ARB2A: variants seen among roughly 807,000 people sequenced by gnomAD.
ARB2A encodes ARB2 cotranscriptional regulator A.
the ARB2A span, among the ~76,000 whole-genome samples, chr5:93,823,743 T>A: frequency 7.9e-5 from 12 of 152,008 alleles, no homozygotes; most frequent in Non-Finnish European, 1.6e-4. Context: ...GATGACGAGG[T>A]CAGGAGATTG....
the ARB2A span, chr5:93,738,118 C>A: frequency 4.7e-6 from 1 of 211,080 alleles, no homozygotes; most frequent in Non-Finnish European, 9.8e-6. Context: ...GACAAACAAC[C>A]CAGTTTTAAA....
chr5:93,779,810 T>C, the ARB2A span, among the ~76,000 whole-genome samples: 1 of 152,216 alleles, frequency 6.6e-6, no homozygotes, highest in African/African-American at 2.4e-5. Flanking sequence ...ATGATGATCC[T>C]ATAGATTTTT....
the ARB2A span, among the ~76,000 whole-genome samples, chr5:94,106,545 A>G: frequency 6.6e-6 from 1 of 152,132 alleles, no homozygotes; most frequent in South Asian, 2.1e-4. Context: ...AATTTCAGCC[A>G]CTGTGGAAAG....
chr5:94,003,701 A>G, the ARB2A span, among the ~76,000 whole-genome samples: 2 of 152,140 alleles, frequency 1.3e-5, no homozygotes, highest in African/African-American at 2.4e-5. Flanking sequence ...GAAAAAAAAT[A>G]AAAGACATAA....
chr5:93,656,572 A>C, the ARB2A span, among the ~76,000 whole-genome samples: 5 of 152,170 alleles, frequency 3.3e-5, no homozygotes, highest in Non-Finnish European at 7.3e-5. Flanking sequence ...TGTACTATTC[A>C]CACTTACTTT....
chr5:93,621,261 C>G, the ARB2A span: 2 of 739,942 alleles, frequency 2.7e-6, no homozygotes, highest in African/African-American at 1.9e-5. Flanking sequence ...CGCCTGCGCC[C>G]CGCCTCAGCC....
chr5:93,801,626 T>C, the ARB2A span, among the ~76,000 whole-genome samples: 1 of 152,176 alleles, frequency 6.6e-6, no homozygotes, highest in Non-Finnish European at 1.5e-5. Flanking sequence ...ACATCATTTA[T>C]TTAATACTGA....
At chr5:93,878,651 ATACT>A in the ARB2A span, among the ~76,000 whole-genome samples, 1 of 151,952 alleles carries the variant, frequency 6.6e-6, no homozygotes, top group Non-Finnish European at 1.5e-5. Context: ...ATTTATAGAA[ATACT>A]TACATTTATA....
the ARB2A span, among the ~76,000 whole-genome samples, chr5:93,769,569 G>A: frequency 6.6e-6 from 1 of 152,142 alleles, no homozygotes; most frequent in South Asian, 2.1e-4. Flanking sequence ...GTTTTTATAA[G>A]TAGGTATAGG....
chr5:93,830,316 T>G, the ARB2A span, among the ~76,000 whole-genome samples: 4 of 93,596 alleles, frequency 4.3e-5, no homozygotes, highest in African/African-American at 1.5e-4. Flanking sequence ...TGTGTGTATA[T>G]ATATATATAT....
At chr5:93,897,155 T>C in the ARB2A span, among the ~76,000 whole-genome samples, 3 of 151,902 alleles carry the variant, frequency 2.0e-5, no homozygotes, top group African/African-American at 7.2e-5. Flanking sequence ...GGCAGGAGTG[T>C]CCAAAATATC....
chr5:93,969,029 T>C, the ARB2A span, among the ~76,000 whole-genome samples: 1 of 150,036 alleles, frequency 6.7e-6, no homozygotes, highest in Admixed American at 6.6e-5. Context: ...TTTTTTTTTT[T>C]TTTTTTTTGC....
At chr5:93,874,555 G>A in the ARB2A span, among the ~76,000 whole-genome samples, 2 of 152,228 alleles carry the variant, frequency 1.3e-5, no homozygotes, top group African/African-American at 4.8e-5. Context: ...CCATTTGATT[G>A]TCCCTAAGTT....
chr5:94,062,591 A>C, the ARB2A span, among the ~76,000 whole-genome samples: 248 of 152,178 alleles, frequency 1.6e-3, 4 homozygotes, highest in East Asian at 0.045. Flanking sequence ...CTCAAACCCC[A>C]TGGGCCCTGA....
the ARB2A span, among the ~76,000 whole-genome samples, chr5:93,843,634 A>G: frequency 1.6e-4 from 25 of 152,080 alleles, no homozygotes; most frequent in East Asian, 7.8e-4. Flanking sequence ...AGGTCTCACT[A>G]TGTTACCCAG....
the ARB2A span, among the ~76,000 whole-genome samples, chr5:93,804,192 C>T: frequency 3.3e-5 from 5 of 151,852 alleles, no homozygotes; most frequent in African/African-American, 1.2e-4. Context: ...TTTTGTTTTG[C>T]GTATGTGTTC....
the ARB2A span, among the ~76,000 whole-genome samples, chr5:94,013,757 C>CA: frequency 0.047 from 7,127 of 151,554 alleles, 222 homozygotes; most frequent in East Asian, 0.13. Context: ...CTCTCCCCTA[C>CA]AAAAAAAACA....
the ARB2A span, among the ~76,000 whole-genome samples, chr5:93,751,801 T>C: frequency 6.6e-6 from 1 of 152,222 alleles, no homozygotes; most frequent in Non-Finnish European, 1.5e-5. Context: ...TACTGGTGAC[T>C]TGCTGTCAGT....
At chr5:93,824,856 A>G in the ARB2A span, among the ~76,000 whole-genome samples, 7 of 152,208 alleles carry the variant, frequency 4.6e-5, no homozygotes, top group African/African-American at 1.7e-4. Context: ...AAATTTCTCA[A>G]AACACTTTCA....
Sources: gnomAD v4.1 joint callset for allele counts (sites outside exome capture counted in the v4.1 genomes callset) on GRCh38, gnomAD v4.1.1 for gene constraint, MANE v1.5 for transcripts, NCBI Gene and HGNC (gene_info 2026-07-23, HGNC 2026-07-21) for gene names.